TNIP1: variants seen among roughly 807,000 people sequenced by gnomAD.
TNIP1 encodes TNFAIP3 interacting protein 1, also known as TNFAIP3-interacting protein 1.
A neutral mutation model predicts 86.6 loss-of-function variants in TNIP1; 22 were observed. That is an observed-to-expected ratio of 0.25 (90% CI 0.18 to 0.36). TNIP1 has a LOEUF of 0.36. TNIP1 is among the 10% of genes least tolerant of loss of function. The pLI is 1.00. For missense variants in TNIP1, 709 were observed against 820.6 expected, an observed-to-expected ratio of 0.86 and a Z score of 1.66; for synonymous variants, 294 against 313.0, an observed-to-expected ratio of 0.94 and a Z score of 0.64.
chr5:151,081,793 C>T (rs1297084798), upstream of TNIP1, among the ~76,000 whole-genome samples: 1 of 152,198 alleles, frequency 6.6e-6, no homozygotes, highest in Non-Finnish European at 1.5e-5. Flanking sequence ...TCCACCCTAC[C>T]TACTTATATG....
intron 1 of TNIP1, among the ~76,000 whole-genome samples, chr5:151,075,888 C>T (rs1372947297): frequency 1.3e-5 from 2 of 152,180 alleles, no homozygotes; most frequent in African/African-American, 4.8e-5. Context: ...AGCATGACTC[C>T]TTGGTGACAC....
chr5:151,042,687 G>C lies in TNIP1; in HGVS notation c.1003-16C>G. Reference sequence around the variant, plus strand: ...GCTCAGTGATCTGGGTTCAGAGGCAGAGAGGAGTGTGTGAGGCAAGGATGT... The same window carrying C: ...GCTCAGTGATCTGGGTTCAGAGGCACAGAGGAGTGTGTGAGGCAAGGATGT... On this transcript the variant is annotated splice_polypyrimidine_tract_variant and intron_variant, in intron 10 of 17. Coordinates refer to ENST00000521591, the MANE Select transcript of TNIP1 (RefSeq NM_006058.5). 1 of 1,613,646 alleles carries C rather than the reference G, an allele frequency of 6.2e-7. No homozygotes were observed. Among genetic ancestry groups the C allele is most frequent in the Non-Finnish European group, 8.5e-7 (1 of 1,179,980 alleles).
At chr5:151,064,840 G>A in intron 2 of TNIP1, 120 bp downstream of exon 2, 3 of 1,433,278 alleles carry the variant, frequency 2.1e-6, no homozygotes, top group Non-Finnish European at 2.9e-6. Flanking sequence ...GGGCCAGGAG[G>A]GACAGGGGAT....
chr5:151,032,822 A>G (rs1436044509), intron 16 of TNIP1: 1 of 197,090 alleles, frequency 5.1e-6, no homozygotes, highest in East Asian at 1.8e-4. Context: ...CTTTGGAAGA[A>G]GAATGATAAG....
intron 1 of TNIP1, among the ~76,000 whole-genome samples, chr5:151,066,887 C>T (rs187139056): frequency 6.6e-6 from 1 of 152,274 alleles, no homozygotes; most frequent in African/African-American, 2.4e-5. Context: ...TAGGGCAGCA[C>T]CATGCTATCA....
At chr5:151,063,503 A>G (rs1761843341) in intron 3 of TNIP1, 110 bp downstream of exon 3, 9 of 1,480,100 alleles carry the variant, frequency 6.1e-6, no homozygotes, top group African/African-American at 2.8e-5. Context: ...CCTGTGACCT[A>G]AGGATAAACG....
intron 5 of TNIP1, among the ~76,000 whole-genome samples, chr5:151,059,779 C>CAGAG (rs55637016): frequency 0.021 from 1,382 of 67,290 alleles, 36 homozygotes; most frequent in Non-Finnish European, 0.027. Flanking sequence ...GTACGAGAGA[C>CAGAG]AGAGAGAGAG....
chr5:151,067,883 G>A (rs967495217), intron 1 of TNIP1, among the ~76,000 whole-genome samples: 4 of 152,180 alleles, frequency 2.6e-5, no homozygotes, highest in African/African-American at 9.7e-5. Flanking sequence ...ATCCAGGCTG[G>A]GCCAGCCATG....
At chr5:151,052,729 T>TA (rs1760114939) in intron 6 of TNIP1, among the ~76,000 whole-genome samples, 1 of 152,210 alleles carries the variant, frequency 6.6e-6, no homozygotes, top group Non-Finnish European at 1.5e-5. Flanking sequence ...CTGTGGCAGA[T>TA]AAAGCTAAAG....
At chr5:151,039,042 C>A in intron 12 of TNIP1, 55 bp downstream of exon 12, 2 of 1,578,334 alleles carry the variant, frequency 1.3e-6, no homozygotes, top group Non-Finnish European at 8.6e-7. Flanking sequence ...ATGGGGTGGG[C>A]ATTGCAGCTG....
At position 151,065,011 on chromosome 5, in the gene TNIP1, C is replaced by T; in HGVS notation, c.85G>A (p.Val29Met). ...GEASAAFERLVKENSRLKEKM... is the reference protein window; with the variant it reads ...GEASAAFERLMKENSRLKEKM... ...TCCTTCAGCCGGGAATTCTCCTTCA[C>T]TAGGCGCTCAAAAGCTGCGGATGCC... The change falls in exon 2 of 18, where the codon GTG becomes ATG. Residue 29 changes from valine (V) to methionine (M), a missense_variant. Transcript: ENST00000521591. 6.2e-7 allele frequency: 1 copy of T among 1,614,228 alleles called. No individual in the cohort carries two copies. Among genetic ancestry groups the T allele is most frequent in the South Asian group, 1.1e-5 (1 of 91,088 alleles).
intron 16 of TNIP1, among the ~76,000 whole-genome samples, chr5:151,033,109 A>T (rs1465074340): frequency 2.8e-4 from 40 of 142,398 alleles, no homozygotes; most frequent in African/African-American, 9.8e-4. Context: ...ATGGGCAAAA[A>T]AGAGTGAAAT....
At chr5:151,038,056 T>C (rs1426424147) in intron 12 of TNIP1, among the ~76,000 whole-genome samples, 2 of 152,362 alleles carry the variant, frequency 1.3e-5, no homozygotes, top group East Asian at 3.9e-4. Flanking sequence ...GTCATCTTTA[T>C]GATCAGCAAC....
At chr5:151,076,386 G>T (rs543227776) in intron 1 of TNIP1, among the ~76,000 whole-genome samples, 47 of 152,238 alleles carry the variant, frequency 3.1e-4, no homozygotes, top group Non-Finnish European at 5.7e-4. Flanking sequence ...GCACAGCAAG[G>T]CCTGGCCCAG....
intron 5 of TNIP1, among the ~76,000 whole-genome samples, chr5:151,057,248 C>T (rs1307802324): frequency 6.6e-6 from 1 of 152,226 alleles, no homozygotes; most frequent in Non-Finnish European, 1.5e-5. Context: ...TGGACCTCAG[C>T]ATCCTCATCT....
At chr5:151,060,039 C>T (rs1355115128) in intron 5 of TNIP1, among the ~76,000 whole-genome samples, 5 of 152,136 alleles carry the variant, frequency 3.3e-5, no homozygotes, top group Admixed American at 6.5e-5. Flanking sequence ...TCATAGTGTG[C>T]GGAGGTGCCT....
At chr5:151,062,026 G>C in intron 4 of TNIP1, 101 bp downstream of exon 4, 1 of 1,108,532 alleles carries the variant, frequency 9.0e-7, no homozygotes, top group Non-Finnish European at 1.3e-6. Context: ...ACGGAACACA[G>C]TTTCTTGACC....
At chr5:151,060,938 A>G (rs1351932811) in intron 4 of TNIP1, among the ~76,000 whole-genome samples, 2 of 152,094 alleles carry the variant, frequency 1.3e-5, no homozygotes, top group African/African-American at 4.8e-5. Flanking sequence ...GGCCACCACC[A>G]AGCATGTCCT....
intron 1 of TNIP1, chr5:151,080,390 T>C (rs1179980863): frequency 6.6e-6 from 1 of 152,240 alleles, no homozygotes; most frequent in East Asian, 1.9e-4. Flanking sequence ...AATAACAATA[T>C]TAATGTTTAG....
Sources: gnomAD v4.1 joint callset for allele counts (sites outside exome capture counted in the v4.1 genomes callset) on GRCh38, gnomAD v4.1.1 for gene constraint, MANE v1.5 for transcripts, NCBI Gene and HGNC (gene_info 2026-07-23, HGNC 2026-07-21) for gene names.